Variants in IL1RAPL1 observed in about 807,000 individuals in gnomAD.
The protein encoded by IL1RAPL1 is interleukin-1 receptor accessory protein-like 1.
Under a neutral mutation model 48.4 loss-of-function variants are expected in IL1RAPL1, and 3 were observed. The ratio of observed to expected loss-of-function variants is 0.06; its 90% CI spans 0.03 to 0.16. The LOEUF (loss-of-function observed/expected upper bound fraction) is 0.16, where lower values mean the gene tolerates loss of function less well. Among genes scored for constraint, IL1RAPL1 ranks in the 10% least tolerant of loss-of-function variants. The probability of loss-of-function intolerance (pLI) is 1.00; values close to 1 mark genes in which losing one functional copy is unlikely to be tolerated. For missense variants in IL1RAPL1, 349 were observed against 530.6 expected, an observed-to-expected ratio of 0.66 and a Z score of 3.36; for synonymous variants, 185 against 187.7, an observed-to-expected ratio of 0.99 and a Z score of 0.12.
intron 2 of IL1RAPL1, among the ~76,000 whole-genome samples, chrX:29,226,646 G>A (rs1275730143): frequency 1.8e-5 from 2 of 108,268 alleles, no homozygotes; most frequent in African/African-American, 3.4e-5. Context: ...CGTTGGCCAG[G>A]CTGGTCTTGA....
At chrX:29,717,203 TACACACACAC>T (rs61417683) in intron 6 of IL1RAPL1, among the ~76,000 whole-genome samples, 4 of 95,547 alleles carry the variant, frequency 4.2e-5, no homozygotes, top group South Asian at 5.4e-4. Flanking sequence ...AGAGCCAGAT[TACACACACAC>T]ACACACACAC....
At chrX:29,472,623 G>A (rs1934933428) in intron 5 of IL1RAPL1, among the ~76,000 whole-genome samples, 1 of 111,395 alleles carries the variant, frequency 9.0e-6, no homozygotes, top group African/African-American at 3.3e-5. Context: ...TCTTTCTGAT[G>A]GATAATAATC....
intron 2 of IL1RAPL1, among the ~76,000 whole-genome samples, chrX:29,175,030 C>T (rs1253752598): frequency 5.3e-5 from 5 of 94,356 alleles, no homozygotes; most frequent in African/African-American, 2.1e-4. Context: ...GCTGAGATTG[C>T]GGCACTGCAC....
intron 3 of IL1RAPL1, among the ~76,000 whole-genome samples, chrX:29,290,584 G>A (rs1932355081): frequency 8.9e-6 from 1 of 111,953 alleles, no homozygotes; most frequent in African/African-American, 3.2e-5. Context: ...ATTCTGGGGA[G>A]AAAACACACT....
At position 29,226,558 on chromosome X, in the gene IL1RAPL1, G is replaced by A. The variant is rs897698966; in HGVS notation, c.83-56380G>A. Reference sequence around the variant, plus strand: ...AGCAATTTTCCTTCCTTAGCCTCCCGAGTAGCTGGGATTACAGTGCCCGCC... The same window carrying A: ...AGCAATTTTCCTTCCTTAGCCTCCCAAGTAGCTGGGATTACAGTGCCCGCC... On this transcript the variant is annotated intron_variant, in intron 2 of 10. Coordinates refer to ENST00000378993, the MANE Select transcript of IL1RAPL1 (RefSeq NM_014271.4). Among the ~76,000 whole-genome samples, 48 of 104,369 alleles carry A rather than the reference G, an allele frequency of 4.6e-4. 1 individual carries two copies. The highest frequency in any genetic ancestry group is 1.4e-3 in the African/African-American group (40 of 28,349). 90.6% of individuals were successfully genotyped at this position (104,369 alleles called of 115,157 possible).
At chrX:29,659,156 C>A (rs984427263) in intron 5 of IL1RAPL1, among the ~76,000 whole-genome samples, 2 of 111,896 alleles carry the variant, frequency 1.8e-5, no homozygotes, top group Non-Finnish European at 1.9e-5. Context: ...TACTACACAG[C>A]AACAGTAACC....
chrX:28,742,805 G>A (rs1283694798), intron 1 of IL1RAPL1, among the ~76,000 whole-genome samples: 4 of 111,571 alleles, frequency 3.6e-5, no homozygotes, highest in Non-Finnish European at 5.7e-5. Flanking sequence ...AGCATGATTT[G>A]TTAAGTGACA....
chrX:28,880,300 G>T (rs1259505878), intron 2 of IL1RAPL1, among the ~76,000 whole-genome samples: 2 of 112,008 alleles, frequency 1.8e-5, no homozygotes, highest in African/African-American at 6.5e-5. Context: ...AGGACTTAAA[G>T]GTCATGGAAT....
At chrX:29,610,495 G>C (rs757022891) in intron 5 of IL1RAPL1, among the ~76,000 whole-genome samples, 1 of 112,129 alleles carries the variant, frequency 8.9e-6, no homozygotes, top group South Asian at 3.7e-4. Flanking sequence ...TGCTAGTTGA[G>C]CTCTCTGGAA....
chrX:29,013,303 G>A (rs1287082866), intron 2 of IL1RAPL1, among the ~76,000 whole-genome samples: 1 of 111,720 alleles, frequency 9.0e-6, no homozygotes, highest in Admixed American at 9.5e-5. Context: ...GGAAGACAGT[G>A]TTGAGAATCC....
At chrX:29,270,926 C>A (rs975516832) in intron 2 of IL1RAPL1, among the ~76,000 whole-genome samples, 7 of 111,133 alleles carry the variant, frequency 6.3e-5, no homozygotes, top group African/African-American at 2.0e-4. Flanking sequence ...AATTGCGTGT[C>A]ATGGGAGTTT....
At chrX:29,252,221 T>C (rs1347781063) in intron 2 of IL1RAPL1, among the ~76,000 whole-genome samples, 2 of 110,364 alleles carry the variant, frequency 1.8e-5, no homozygotes, top group African/African-American at 3.4e-5. Context: ...CATATGTAAC[T>C]AACCTGCACA....
intron 4 of IL1RAPL1, among the ~76,000 whole-genome samples, 193 bp from the exon 5 acceptor site, chrX:29,398,962 C>G (rs1933953852): frequency 8.9e-6 from 1 of 112,216 alleles, no homozygotes; most frequent in Non-Finnish European, 1.9e-5. Flanking sequence ...ACCAGTGCAA[C>G]TTGCCATATT....
intron 5 of IL1RAPL1, among the ~76,000 whole-genome samples, chrX:29,430,390 A>G (rs1050938796): frequency 1.8e-5 from 2 of 111,200 alleles, no homozygotes; most frequent in Non-Finnish European, 3.8e-5. Context: ...CCTCTTCTCC[A>G]TTAGGTTTAA....
chrX:28,808,427 A>C (rs1936756171), intron 2 of IL1RAPL1, among the ~76,000 whole-genome samples: 1 of 111,024 alleles, frequency 9.0e-6, no homozygotes, highest in Admixed American at 9.6e-5. Context: ...CATCTCTGCG[A>C]ATTGCAAGCA....
intron 4 of IL1RAPL1, among the ~76,000 whole-genome samples, chrX:29,398,680 A>G (rs938029247): frequency 8.9e-6 from 1 of 112,107 alleles, no homozygotes; most frequent in African/African-American, 3.2e-5. Context: ...GAACGGTGCA[A>G]TCTTTTGTAC....
intron 2 of IL1RAPL1, among the ~76,000 whole-genome samples, chrX:28,828,675 A>G (rs67222274): frequency 0.056 from 6,285 of 111,957 alleles, 336 homozygotes; most frequent in East Asian, 0.24. Context: ...TCAATTGACT[A>G]TAAATGTGAG....
At chrX:29,484,308 C>A (rs7066818) in intron 5 of IL1RAPL1, among the ~76,000 whole-genome samples, 1 of 110,434 alleles carries the variant, frequency 9.1e-6, no homozygotes, top group Non-Finnish European at 1.9e-5. Context: ...CACATGGTGA[C>A]AGGGCAAGAT....
At chrX:29,321,513 A>G (rs1434463537) in intron 3 of IL1RAPL1, among the ~76,000 whole-genome samples, 1 of 112,311 alleles carries the variant, frequency 8.9e-6, no homozygotes, top group African/African-American at 3.2e-5. Context: ...TATTCATTAC[A>G]ATTACTGTTT....
Sources: gnomAD v4.1 joint callset for allele counts (sites outside exome capture counted in the v4.1 genomes callset) on GRCh38, gnomAD v4.1.1 for gene constraint, MANE v1.5 for transcripts, NCBI Gene and HGNC (gene_info 2026-07-23, HGNC 2026-07-21) for gene names.